MLIP: variants seen among roughly 807,000 people sequenced by gnomAD.
MLIP encodes the protein muscular LMNA-interacting protein.
Under a neutral mutation model 84.8 loss-of-function variants are expected in MLIP, and 79 were observed. That is an observed-to-expected ratio of 0.93 (90% confidence interval 0.78 to 1.12). The LOEUF (loss-of-function observed/expected upper bound fraction) is 1.12, where lower values mean the gene tolerates loss of function less well. Ranked by LOEUF, MLIP falls within the 50% of genes most tolerant of loss-of-function variation. The pLI, the probability that MLIP is intolerant of heterozygous loss-of-function variation, is 0.00. For synonymous variants in MLIP, 504 were observed against 463.0 expected, an observed-to-expected ratio of 1.09 and a Z score of -1.14; for missense variants, 1,257 against 1,160.6, an observed-to-expected ratio of 1.08 and a Z score of -1.21.
At chr6:54,082,461 C>T (rs1767222288) in intron 1 of MLIP, among the ~76,000 whole-genome samples, 1 of 152,172 alleles carries the variant, frequency 6.6e-6, no homozygotes, top group African/African-American at 2.4e-5. Context: ...CACCTCCCAC[C>T]AGGTCCCTCC....
chr6:54,226,637 A>AAAAC (rs146772853), intron 11 of MLIP, among the ~76,000 whole-genome samples: 4,432 of 151,606 alleles, frequency 0.029, 75 homozygotes, highest in Non-Finnish European at 0.037. Flanking sequence ...AACAGGAAAT[A>AAAAC]AAACAAACAA....
Position 54,230,855 on chromosome 6 carries a change from T to C in MLIP, c.2860T>C (p.Phe954Leu), listed in dbSNP as rs546846263. The change falls in exon 12 of 14, where the codon TTC (phenylalanine) becomes CTC (leucine). Residue 954 changes from phenylalanine to leucine, a missense_variant. Coordinates refer to ENST00000502396, the MANE Select transcript of MLIP (RefSeq NM_001281747.2). ...CCCAGGACCCTTCAGTCATCTGTCCTTCTCCTTGAGTGATGAACAGGAGAA... is the reference window on the plus strand; with the variant it reads ...CCCAGGACCCTTCAGTCATCTGTCCCTCTCCTTGAGTGATGAACAGGAGAA... ...LAPGPFSHLSFSLSDEQENSH... is the reference protein window; with the variant it reads ...LAPGPFSHLSLSLSDEQENSH... 1 of 1,613,998 alleles carries C rather than the reference T, an allele frequency of 6.2e-7. No homozygotes were observed. Among genetic ancestry groups the C allele is most frequent in the East Asian group, 2.2e-5 (1 of 44,860 alleles).
intron 12 of MLIP, among the ~76,000 whole-genome samples, chr6:54,244,738 A>AT (rs544954079): frequency 6.6e-6 from 1 of 152,120 alleles, no homozygotes; most frequent in Non-Finnish European, 1.5e-5. Context: ...TGGCTTTTAA[A>AT]TTTTTTCCAG....
intron 9 of MLIP, among the ~76,000 whole-genome samples, chr6:54,182,083 G>C (rs943475515): frequency 1.3e-5 from 2 of 152,172 alleles, no homozygotes; most frequent in African/African-American, 4.8e-5. Flanking sequence ...ACTAGGAGTT[G>C]CCTAGGAATT....
chr6:54,127,281 T>C (rs1770999135), intron 3 of MLIP, among the ~76,000 whole-genome samples: 1 of 152,200 alleles, frequency 6.6e-6, no homozygotes, highest in African/African-American at 2.4e-5. Flanking sequence ...TTTACTTTTA[T>C]CTTTTTTCCT....
At chr6:54,095,055 C>T (rs1768117487) in intron 1 of MLIP, among the ~76,000 whole-genome samples, 1 of 152,206 alleles carries the variant, frequency 6.6e-6, no homozygotes, top group Admixed American at 6.5e-5. Context: ...CACCACCACG[C>T]TCCACAGCCA....
intron 9 of MLIP, among the ~76,000 whole-genome samples, chr6:54,187,247 T>C (rs1226789754): frequency 6.6e-6 from 1 of 152,150 alleles, no homozygotes; most frequent in African/African-American, 2.4e-5. Context: ...ACTGCAGGGA[T>C]GGTTTCTAAA....
chr6:54,263,661 A>T (rs1437308919), intron 13 of MLIP, among the ~76,000 whole-genome samples: 1 of 152,088 alleles, frequency 6.6e-6, no homozygotes, highest in Non-Finnish European at 1.5e-5. Context: ...GCTTTCTGTA[A>T]CATTGGCTTA....
chr6:54,234,080 G>A (rs750848738), intron 12 of MLIP, among the ~76,000 whole-genome samples: 5 of 152,018 alleles, frequency 3.3e-5, no homozygotes, highest in Non-Finnish European at 7.4e-5. Context: ...TAAGTTCCTT[G>A]TAGATTCTGG....
intron 9 of MLIP, among the ~76,000 whole-genome samples, chr6:54,178,106 A>C (rs1264170996): frequency 6.6e-6 from 1 of 152,120 alleles, no homozygotes; most frequent in Non-Finnish European, 1.5e-5. Context: ...GTGGGGCTTA[A>C]TGCCTAAGTG....
chr6:54,186,210 A>G (rs188617320), intron 9 of MLIP, among the ~76,000 whole-genome samples: 1 of 152,358 alleles, frequency 6.6e-6, no homozygotes, highest in East Asian at 1.9e-4. Flanking sequence ...CTCAGAGATT[A>G]AAACAATAAT....
At chr6:54,231,797 A>G (rs1781022505) in intron 12 of MLIP, among the ~76,000 whole-genome samples, 1 of 152,186 alleles carries the variant, frequency 6.6e-6, no homozygotes, top group South Asian at 2.1e-4. Flanking sequence ...ATCAATCAAG[A>G]TCATCTTCCA....
chr6:54,057,748 T>C (rs1273124634), intron 1 of MLIP, among the ~76,000 whole-genome samples: 1 of 152,188 alleles, frequency 6.6e-6, no homozygotes, highest in Non-Finnish European at 1.5e-5. Flanking sequence ...TTGGATTAAT[T>C]TTTTTTCTGA....
chr6:54,153,349 T>C (rs1773659571), intron 5 of MLIP, among the ~76,000 whole-genome samples: 1 of 152,136 alleles, frequency 6.6e-6, no homozygotes, highest in South Asian at 2.1e-4. Flanking sequence ...GTTTCATTTT[T>C]TGAGATGGAG....
At chr6:54,113,306 A>C (rs949054758) in intron 1 of MLIP, among the ~76,000 whole-genome samples, 2 of 152,176 alleles carry the variant, frequency 1.3e-5, no homozygotes, top group African/African-American at 4.8e-5. Flanking sequence ...GATTATTTGA[A>C]CTACTTCAGT....
chr6:54,164,042 T>C lies in MLIP; in HGVS notation c.2499+3243T>C, dbSNP rs201586394. Among the ~76,000 whole-genome samples the C allele has an allele frequency of 9.2e-5, 14 of 152,154 alleles. No homozygotes were observed. In the East Asian group the frequency reaches 1.7e-3, roughly 19 times the overall value. On this transcript the variant is annotated intron_variant, in intron 8 of 13. Coordinates refer to ENST00000502396, the MANE Select transcript of MLIP (RefSeq NM_001281747.2). ...CAGCATGATACTTGGTCCTCTGCTATAGAGTGATCATTTACAGAATTGCTC... is the reference window on the plus strand; with the variant it reads ...CAGCATGATACTTGGTCCTCTGCTACAGAGTGATCATTTACAGAATTGCTC...
chr6:54,231,287 T>G (rs2150805560), intron 12 of MLIP, among the ~76,000 whole-genome samples: 1 of 152,296 alleles, frequency 6.6e-6, no homozygotes, highest in Middle Eastern at 3.4e-3. Flanking sequence ...TAAATTACAG[T>G]GCCTGGTTGA....
intron 13 of MLIP, among the ~76,000 whole-genome samples, chr6:54,257,952 TA>T (rs1004741953): frequency 6.6e-6 from 1 of 152,062 alleles, no homozygotes; most frequent in Admixed American, 6.6e-5. Context: ...TTTCTTTTTT[TA>T]AAAAAATGCT....
chr6:54,236,404 C>A (rs1167865036), intron 12 of MLIP, among the ~76,000 whole-genome samples: 2 of 152,140 alleles, frequency 1.3e-5, no homozygotes, highest in East Asian at 1.9e-4. Flanking sequence ...AGTTGGAGAC[C>A]AGCCTGGCCA....
Sources: gnomAD v4.1 joint callset for allele counts (sites outside exome capture counted in the v4.1 genomes callset) on GRCh38, gnomAD v4.1.1 for gene constraint, MANE v1.5 for transcripts, NCBI Gene and HGNC (gene_info 2026-07-23, HGNC 2026-07-21) for gene names.